DNAAF5: variants seen among roughly 807,000 people sequenced by gnomAD.
DNAAF5 encodes HEAT repeat containing 2.
In DNAAF5, 64 loss-of-function variants were observed where a neutral mutation model predicts 75.8. That is an observed-to-expected ratio of 0.84 (90% CI 0.69 to 1.04). The LOEUF (loss-of-function observed/expected upper bound fraction) is 1.04, where lower values mean the gene tolerates loss of function less well. DNAAF5 is among the 50% of genes least tolerant of loss of function. DNAAF5 has a pLI of 0.00. For synonymous variants in DNAAF5, 657 were observed against 557.2 expected (o/e 1.18, Z -2.52); for missense variants, 1,269 against 1,178.5 (o/e 1.08, Z -1.12).
Position 769,152 on chromosome 7 carries a change from C to T in DNAAF5, c.1784-1319C>T, listed in dbSNP as rs1345626383. 10 of 772,994 alleles carry T rather than the reference C, an allele frequency of 1.3e-5. No homozygotes were observed. The East Asian group carries it at 1.9e-4, about 15-fold the overall frequency. The allele number at this position is 772,994 out of a possible 1,614,324, so 47.9% of individuals were successfully genotyped here. On this transcript the variant is annotated intron_variant, in intron 8 of 12. Transcript: ENST00000297440. Reference sequence around the variant, plus strand: ...ACTACCGAGCAGCCTGCTCTGATGACTGGCGGCGCCAGGGAGAAGGCTCAC... The same window carrying T: ...ACTACCGAGCAGCCTGCTCTGATGATTGGCGGCGCCAGGGAGAAGGCTCAC...
intron 9 of DNAAF5, 187 bp downstream of exon 9, chr7:770,805 C>G: frequency 1.8e-6 from 1 of 562,242 alleles, no homozygotes; most frequent in Non-Finnish European, 3.1e-6. Context: ...CCCCACCTCC[C>G]TCCCCCACGC....
In DNAAF5 at chr7:770,625, C is replaced by CCGGGCT; in HGVS notation, c.1931+9_1931+14dup. 1 of 1,612,004 alleles carries CCGGGCT rather than the reference C, an allele frequency of 6.2e-7. No homozygotes were observed. The highest frequency in any genetic ancestry group is 8.5e-7 in the Non-Finnish European group (1 of 1,179,262). On this transcript the variant is annotated splice_region_variant and intron_variant, in intron 9 of 12. Transcript: ENST00000297440. ...ACACCATCAACTCCCAGGGGTAGGT[C>CCGGGCT]CGGGCTCTGCCTCTGCACGGCCCCC...
In DNAAF5 at chr7:756,400, G is replaced by A. The variant is rs1264612076; in HGVS notation, c.1258-382G>A. Among the ~76,000 whole-genome samples the A allele has an allele frequency of 2.0e-5, 3 of 151,942 alleles. No individual in the cohort carries two copies. In the East Asian group the frequency reaches 5.8e-4, roughly 29 times the overall value. On this transcript the variant is annotated intron_variant, in intron 5 of 12. Transcript: ENST00000297440. ...TGGAATCCCACGGTGCAGAGGGGCT[G>A]GTGAGTGTGTGATCCACTGTGGGCT...
intron 12 of DNAAF5, among the ~76,000 whole-genome samples, chr7:785,189 G>T (rs1218280451): frequency 1.3e-5 from 2 of 152,044 alleles, no homozygotes; most frequent in African/African-American, 4.8e-5. Context: ...CATCCAGCAG[G>T]ATCAGGTCAT....
At chr7:755,655 C>T (rs542673581) in intron 5 of DNAAF5, among the ~76,000 whole-genome samples, 17 of 152,158 alleles carry the variant, frequency 1.1e-4, no homozygotes, top group Admixed American at 6.5e-4. Flanking sequence ...CGCTTGAGCC[C>T]GGGAGTTTGA....
chr7:769,273 CCTT>C, intron 8 of DNAAF5: 2 of 709,654 alleles, frequency 2.8e-6, no homozygotes, highest in East Asian at 2.7e-5. Flanking sequence ...CAGAGCGCCT[CCTT>C]CTGCGGCCCC....
intron 2 of DNAAF5, among the ~76,000 whole-genome samples, chr7:734,911 G>C (rs1781687899): frequency 6.6e-6 from 1 of 151,322 alleles, no homozygotes; most frequent in Non-Finnish European, 1.5e-5. Context: ...GTTGCTCACA[G>C]TGTCGTTGCT....
At chr7:737,006 C>T (rs532951537) in intron 2 of DNAAF5, among the ~76,000 whole-genome samples, 217 of 152,044 alleles carry the variant, frequency 1.4e-3, no homozygotes, top group African/African-American at 5.0e-3. Context: ...TAATTTTATG[C>T]CCTCAGCTTT....
At chr7:784,016 C>A (rs1779068218) in intron 12 of DNAAF5, among the ~76,000 whole-genome samples, 1 of 43,856 alleles carries the variant, frequency 2.3e-5, no homozygotes, top group African/African-American at 9.9e-5. Flanking sequence ...GCCCTGTACG[C>A]CGCCCCCACC....
At chr7:783,728 C>T (rs566320470) in intron 12 of DNAAF5, among the ~76,000 whole-genome samples, 1 of 151,846 alleles carries the variant, frequency 6.6e-6, no homozygotes, top group East Asian at 1.9e-4. Context: ...CAGCTCCCCA[C>T]ACTCCCTGGC....
At chr7:774,228 A>C in intron 10 of DNAAF5, 30 bp downstream of exon 10, 1 of 1,582,272 alleles carries the variant, frequency 6.3e-7, no homozygotes, top group Non-Finnish European at 8.6e-7. Context: ...CTCGGTGGAC[A>C]CCGGCCGGGG....
rs926970651 is a variant in DNAAF5, at chr7:742,114, G to A, written c.1024+649G>A. 3.9e-5 allele frequency among the ~76,000 whole-genome samples: 6 copies of A among 152,166 alleles called. No individual in the cohort carries two copies. The East Asian group carries it at 9.6e-4, about 24-fold the overall frequency. ...CCCAACACATTTGCTCTGCCACGCC[G>A]CCGGCCCACCTTGGGCTTCATCTGT... On this transcript the variant is annotated intron_variant, in intron 4 of 12. Coordinates refer to ENST00000297440, the MANE Select transcript of DNAAF5 (RefSeq NM_017802.4).
rs1469473176 is a variant in DNAAF5, at chr7:786,238, GT to G, written c.*587del. On this transcript the variant is annotated 3_prime_UTR_variant, in exon 13 of 13. Transcript: ENST00000297440. ...TTAAGTCGGTGTTAATGCTAACAGTGTTGAAAACAATATTTCATGAGATCTA... is the reference window on the plus strand; with the variant it reads ...TTAAGTCGGTGTTAATGCTAACAGTGTGAAAACAATATTTCATGAGATCTA... The G allele has an allele frequency of 1.3e-5, 2 of 152,356 alleles. No individual in the cohort carries two copies. Among genetic ancestry groups the G allele is most frequent in the Non-Finnish European group, 2.9e-5 (2 of 68,178 alleles). The allele number at this position is 152,356 out of a possible 1,614,324, so 9.4% of individuals were successfully genotyped here. A position where few individuals can be genotyped will look rare whatever the true frequency, so the allele number is the denominator to read the frequency against.
intron 9 of DNAAF5, 64 bp downstream of exon 9, chr7:770,682 C>T (rs1778529702): frequency 1.3e-6 from 2 of 1,507,616 alleles, no homozygotes; most frequent in South Asian, 1.2e-5. Flanking sequence ...TCCCCATCTC[C>T]CTCCCCAACA....
Position 757,357 on chromosome 7 carries a change from G to A in DNAAF5, c.1470+363G>A, listed in dbSNP as rs140797840. 5.0e-3 allele frequency among the ~76,000 whole-genome samples: 765 copies of A among 152,328 alleles called. 8 individuals are homozygous for A. Among genetic ancestry groups the A allele is most frequent in the African/African-American group, 0.016 (680 of 41,578 alleles). On this transcript the variant is annotated intron_variant, in intron 6 of 12. Coordinates refer to ENST00000297440, the MANE Select transcript of DNAAF5 (RefSeq NM_017802.4). The stretch of plus-strand genomic sequence containing the variant: ...GATGACTCAGGAGGCGTCCATGGCC[G>A]GGACCCTCTGGCCCATGCTGCTGGG...
intron 8 of DNAAF5, chr7:768,848 C>T (rs567237907): frequency 2.6e-6 from 1 of 379,590 alleles, no homozygotes; most frequent in South Asian, 6.0e-5. Context: ...GAAACACTGT[C>T]TTGTTTCCAG....
chr7:775,768 G>A (rs910015590), intron 11 of DNAAF5, among the ~76,000 whole-genome samples: 6 of 152,146 alleles, frequency 3.9e-5, no homozygotes, highest in Middle Eastern at 3.2e-3. Context: ...AGGAAGCGTC[G>A]TGTGGACGTT....
Position 775,073 on chromosome 7 carries a change from C to T in DNAAF5, c.2150C>T (p.Thr717Met), listed in dbSNP as rs754945790. ...ACCCTGGAGGAGGATTCGAAGATGA[C>T]GCGACTGATCTCATGCCGTATTATC... is the stretch of plus-strand genomic sequence containing the variant. Reference protein sequence around the residue: ...LTTLEEDSKMTRLISCRIINT... With the variant: ...LTTLEEDSKMMRLISCRIINT... Residue 717 changes from threonine to methionine, a missense_variant, in exon 11 of 13, where the codon ACG becomes ATG. Thr to Met is a moderately conservative substitution (Grantham distance 81). Transcript: ENST00000297440. 19 of 1,613,982 alleles carry T rather than the reference C, an allele frequency of 1.2e-5. No homozygotes were observed. Among genetic ancestry groups the T allele is most frequent in the Middle Eastern group, 1.6e-4 (1 of 6,062 alleles).
In DNAAF5 at chr7:730,014, A is replaced by G. The variant is rs78844251; in HGVS notation, c.780+167A>G. Among the ~76,000 whole-genome samples, 2,657 of 152,340 alleles carry G rather than the reference A, an allele frequency of 0.017. 36 individuals are homozygous for G. Among genetic ancestry groups the G allele is most frequent in the Non-Finnish European group, 0.031 (2,084 of 68,024 alleles). ...TTCCTGTTCACATCTTGGAAAAACT[A>G]GAAGAGAGCTGAACTGTTTTAATGT... On this transcript the variant is annotated intron_variant, in intron 2 of 12. Transcript: ENST00000297440.
Sources: allele counts gnomAD v4.1 joint callset (sites outside exome capture counted in the v4.1 genomes callset), GRCh38; gene constraint gnomAD v4.1.1; transcripts MANE v1.5; gene names NCBI Gene and HGNC (gene_info 2026-07-23, HGNC 2026-07-21).